Variants in ANKIB1 observed in about 807,000 individuals in gnomAD.
The protein encoded by ANKIB1 is ankyrin repeat and IBR domain-containing protein 1.
Under a neutral mutation model 122.1 loss-of-function variants are expected in ANKIB1, and 43 were observed. The ratio of observed to expected loss-of-function variants is 0.35; its 90% confidence interval spans 0.28 to 0.45. ANKIB1 has a LOEUF of 0.45. Among genes scored for constraint, ANKIB1 ranks in the 20% least tolerant of loss-of-function variants. ANKIB1 has a pLI of 1.00. For synonymous variants in ANKIB1, 390 were observed against 442.0 expected, an observed-to-expected ratio of 0.88 and a Z score of 1.48; for missense variants, 992 against 1,329.5, an observed-to-expected ratio of 0.75 and a Z score of 3.95.
At chr7:92,336,402 C>A (rs1002159378) in intron 5 of ANKIB1, among the ~76,000 whole-genome samples, 4 of 150,832 alleles carry the variant, frequency 2.7e-5, no homozygotes, top group African/African-American at 9.7e-5. Context: ...TCTTTATGTT[C>A]TTGATCATAA....
In ANKIB1 at chr7:92,386,684, C is replaced by T. The variant is rs189044337; in HGVS notation, c.1752+41C>T. 763 of 1,467,522 alleles carry T rather than the reference C, an allele frequency of 5.2e-4. 3 individuals are homozygous for T. In the African/African-American group the frequency reaches 9.9e-3, roughly 19 times the overall value. 90.9% of individuals were successfully genotyped at this position (1,467,522 alleles called of 1,614,324 possible). ...TAAGCCAAGACATCTCTCTAAACCG[C>T]TCACTGCCACTGGAATTATTTTGTA... On this transcript the variant is annotated intron_variant, in intron 12 of 19. Transcript: ENST00000265742.
chr7:92,392,335 T>A, intron 17 of ANKIB1, 43 bp downstream of exon 17: 1 of 1,542,634 alleles, frequency 6.5e-7, no homozygotes, highest in South Asian at 1.1e-5. Flanking sequence ...TTTTTCTTAG[T>A]GCAGTCGTGC....
At chr7:92,338,433 A>G (rs1486956813) in intron 5 of ANKIB1, among the ~76,000 whole-genome samples, 1 of 151,824 alleles carries the variant, frequency 6.6e-6, no homozygotes, top group African/African-American at 2.4e-5. Flanking sequence ...AAAAATAAAA[A>G]TTAAAAAAAG....
At chr7:92,303,389 C>T (rs191180847) in intron 2 of ANKIB1, among the ~76,000 whole-genome samples, 3 of 152,268 alleles carry the variant, frequency 2.0e-5, no homozygotes, top group Admixed American at 2.0e-4. Context: ...TAGGGATATT[C>T]AATCTATAGT....
At chr7:92,266,385 T>A (rs980317680) in intron 1 of ANKIB1, among the ~76,000 whole-genome samples, 1 of 152,086 alleles carries the variant, frequency 6.6e-6, no homozygotes, top group African/African-American at 2.4e-5. Flanking sequence ...GAAGAATATG[T>A]ATATATATGT....
intron 2 of ANKIB1, among the ~76,000 whole-genome samples, chr7:92,306,743 A>G (rs369155344): frequency 2.4e-4 from 37 of 152,166 alleles, no homozygotes; most frequent in African/African-American, 8.9e-4. Flanking sequence ...AGTTTATGAT[A>G]TTTTTATAAT....
At chr7:92,332,764 T>C (rs1469362683) in intron 5 of ANKIB1, among the ~76,000 whole-genome samples, 1 of 152,210 alleles carries the variant, frequency 6.6e-6, no homozygotes, top group African/African-American at 2.4e-5. Flanking sequence ...TCCTGGGAAA[T>C]GTTACCTTCT....
chr7:92,384,355 T>A (rs1804585894), intron 11 of ANKIB1, among the ~76,000 whole-genome samples: 1 of 152,172 alleles, frequency 6.6e-6, no homozygotes, highest in Admixed American at 6.5e-5. Context: ...AAGCTACCAA[T>A]GACTTTCTTT....
intron 1 of ANKIB1, among the ~76,000 whole-genome samples, chr7:92,263,993 A>G (rs1801615910): frequency 6.6e-6 from 1 of 152,220 alleles, no homozygotes; most frequent in Non-Finnish European, 1.5e-5. Context: ...GACAAATAAA[A>G]TATTCCTTAA....
chr7:92,321,565 A>G (rs1210037854), intron 4 of ANKIB1, among the ~76,000 whole-genome samples: 2 of 152,198 alleles, frequency 1.3e-5, no homozygotes, highest in Non-Finnish European at 2.9e-5. Flanking sequence ...ATCCATAGAT[A>G]TTTCTTAAAG....
Position 92,387,784 on chromosome 7 carries a change from CTT to C in ANKIB1, c.1753-11_1753-10del. ...AGTTTTTATAAAAGTCATTTGTGGA[CTT>C]TTGTTTTCTAGGCTGAGAAAAAACA... On this transcript the variant is annotated splice_polypyrimidine_tract_variant and intron_variant, in intron 12 of 19. Coordinates refer to ENST00000265742, the MANE Select transcript of ANKIB1 (RefSeq NM_019004.2). 6.3e-7 allele frequency: 1 copy of C among 1,595,804 alleles called. No individual in the cohort carries two copies. Among genetic ancestry groups the C allele is most frequent in the Non-Finnish European group, 8.5e-7 (1 of 1,173,832 alleles).
intron 1 of ANKIB1, among the ~76,000 whole-genome samples, chr7:92,263,288 A>G (rs1353527548): frequency 6.6e-6 from 1 of 152,220 alleles, no homozygotes; most frequent in Non-Finnish European, 1.5e-5. Flanking sequence ...AAAGAAGAGC[A>G]ATGTTAATCC....
At chr7:92,328,660 A>AT (rs1180732006) in intron 5 of ANKIB1, among the ~76,000 whole-genome samples, 2 of 152,066 alleles carry the variant, frequency 1.3e-5, no homozygotes, top group East Asian at 3.9e-4. Context: ...GATTTAAAAA[A>AT]TAAAAACTAA....
intron 3 of ANKIB1, among the ~76,000 whole-genome samples, chr7:92,310,175 C>T (rs1290938358): frequency 2.0e-5 from 3 of 151,734 alleles, no homozygotes; most frequent in Non-Finnish European, 4.4e-5. Context: ...TTGCTTGATA[C>T]GTATGTGTGA....
intron 5 of ANKIB1, among the ~76,000 whole-genome samples, chr7:92,340,340 G>A (rs1803409872): frequency 6.6e-6 from 1 of 152,186 alleles, no homozygotes; most frequent in African/African-American, 2.4e-5. Flanking sequence ...GTAAGCCACT[G>A]TAATTCAGTC....
At chr7:92,336,153 A>G (rs549169821) in intron 5 of ANKIB1, among the ~76,000 whole-genome samples, 1 of 152,140 alleles carries the variant, frequency 6.6e-6, no homozygotes, top group African/African-American at 2.4e-5. Flanking sequence ...AGCCATATGT[A>G]TTTTAAATAA....
At chr7:92,372,440 A>T (rs1046700321) in intron 11 of ANKIB1, among the ~76,000 whole-genome samples, 11 of 152,156 alleles carry the variant, frequency 7.2e-5, no homozygotes, top group Non-Finnish European at 1.6e-4. Context: ...TGTTTGCAGG[A>T]GGTCTTGGAA....
chr7:92,296,597 G>A (rs1802361662), intron 2 of ANKIB1, among the ~76,000 whole-genome samples: 1 of 151,990 alleles, frequency 6.6e-6, no homozygotes, highest in South Asian at 2.1e-4. Flanking sequence ...AACTTTTAAG[G>A]CTCTTTATCA....
chr7:92,386,451 A>C, intron 11 of ANKIB1, 58 bp from the exon 12 acceptor site: 1 of 1,486,948 alleles, frequency 6.7e-7, no homozygotes, highest in East Asian at 2.4e-5. Flanking sequence ...GCTATAAAGC[A>C]GAAAATAATT....
Sources: allele counts gnomAD v4.1 joint callset (sites outside exome capture counted in the v4.1 genomes callset), GRCh38; gene constraint gnomAD v4.1.1; transcripts MANE v1.5; gene names NCBI Gene and HGNC (gene_info 2026-07-23, HGNC 2026-07-21).